Variants in CFLAR observed in about 807,000 individuals in gnomAD.
The protein encoded by CFLAR is CASP8 and FADD-like apoptosis regulator.
In CFLAR, 14 loss-of-function variants were observed where a neutral mutation model predicts 51.1. The ratio of observed to expected loss-of-function variants is 0.27; its 90% confidence interval spans 0.18 to 0.43. CFLAR has a LOEUF of 0.43. CFLAR is among the 20% of genes least tolerant of loss of function. The probability of loss-of-function intolerance (pLI) is 1.00; values close to 1 mark genes in which losing one functional copy is unlikely to be tolerated. For missense variants in CFLAR, 390 were observed against 566.5 expected, an observed-to-expected ratio of 0.69 and a Z score of 3.16; for synonymous variants, 210 against 211.6, an observed-to-expected ratio of 0.99 and a Z score of 0.06.
chr2:201,139,976 A>G (rs1938176215), intron 4 of CFLAR: 2 of 252,056 alleles, frequency 7.9e-6, no homozygotes, highest in South Asian at 7.2e-5. Flanking sequence ...CAGCGCAGTG[A>G]ACCCGTCCTC....
At chr2:201,161,416 A>G (rs74182334) in intron 9 of CFLAR, among the ~76,000 whole-genome samples, 1 of 65,914 alleles carries the variant, frequency 1.5e-5, no homozygotes, top group Non-Finnish European at 4.5e-5. Context: ...ATTTATTTTT[A>G]TTTATTTTTT....
Position 201,172,194 on chromosome 2 carries a change from C to CATAAAT in CFLAR, c.*8225_*8230dup, listed in dbSNP as rs1441865801. ...TACCTGATGAAGAGCCTGGCATACACATAAATATATATTGAATGAATCAGT... is the reference window on the plus strand; with the variant it reads ...TACCTGATGAAGAGCCTGGCATACACATAAATATAAATATATATTGAATGAATCAGT... On this transcript the variant is annotated 3_prime_UTR_variant, in exon 10 of 10. Coordinates refer to ENST00000309955, the MANE Select transcript of CFLAR (RefSeq NM_003879.7). 6.6e-6 allele frequency: 1 copy of CATAAAT among 152,088 alleles called. No homozygotes were observed. Among genetic ancestry groups the CATAAAT allele is most frequent in the Non-Finnish European group, 1.5e-5 (1 of 68,014 alleles). 9.4% of individuals were successfully genotyped at this position (152,088 alleles called of 1,614,324 possible). A position where few individuals can be genotyped will look rare whatever the true frequency, so the allele number is the denominator to read the frequency against.
chr2:201,149,326 C>A (rs766671018), intron 7 of CFLAR: 5 of 334,282 alleles, frequency 1.5e-5, no homozygotes, highest in Non-Finnish European at 2.2e-5. Flanking sequence ...AGCAGTGATA[C>A]TTCCCTGAAC....
At position 201,118,037 on chromosome 2, in the gene CFLAR, G is replaced by A. The variant is rs1293871770; in HGVS notation, c.-138+1556G>A. Among the ~76,000 whole-genome samples the A allele has an allele frequency of 6.6e-6, 1 of 152,190 alleles. No individual in the cohort carries two copies. Among genetic ancestry groups the A allele is most frequent in the Non-Finnish European group, 1.5e-5 (1 of 68,052 alleles). On this transcript the variant is annotated intron_variant, in intron 1 of 9. Transcript: ENST00000309955. The surrounding 1 kb of genome is among the most constrained non-coding windows in gnomAD (Gnocchi z 5.1). ...CCCAAAGTGCTGGGATTACAGGCGT[G>A]AGCCACCATGCCCGGCCCAACTCCA...
chr2:201,129,604 C>T (rs1367869675), intron 1 of CFLAR, 125 bp from the exon 2 acceptor site: 1 of 461,164 alleles, frequency 2.2e-6, no homozygotes, highest in Non-Finnish European at 3.8e-6. Context: ...TTCTATAGAT[C>T]CCTTTCTATA....
intron 7 of CFLAR, 32 bp from the exon 8 acceptor site, chr2:201,149,722 G>C: frequency 6.5e-7 from 1 of 1,530,954 alleles, no homozygotes; most frequent in Non-Finnish European, 9.0e-7. Context: ...GCAATATCCA[G>C]AGTCTTTAGC....
At chr2:201,141,158 G>A (rs1938726402) in intron 5 of CFLAR, among the ~76,000 whole-genome samples, 1 of 152,110 alleles carries the variant, frequency 6.6e-6, no homozygotes, top group Non-Finnish European at 1.5e-5. Flanking sequence ...TATGAACCCA[G>A]GAAGTGGAGG....
intron 5 of CFLAR, among the ~76,000 whole-genome samples, chr2:201,143,068 C>T (rs1206867059): frequency 6.6e-6 from 1 of 152,132 alleles, no homozygotes; most frequent in African/African-American, 2.4e-5. Flanking sequence ...GTTAAAAAAC[C>T]TGCCATATTT....
intron 8 of CFLAR, among the ~76,000 whole-genome samples, chr2:201,156,684 C>T (rs1174104093): frequency 6.6e-6 from 1 of 152,102 alleles, no homozygotes; most frequent in Non-Finnish European, 1.5e-5. Context: ...CAGCCCTGTA[C>T]TAACTGCAAG....
chr2:201,158,810 A>G (rs966058222), intron 8 of CFLAR, among the ~76,000 whole-genome samples: 1 of 151,736 alleles, frequency 6.6e-6, no homozygotes, highest in Non-Finnish European at 1.5e-5. Context: ...TACAGTCCTG[A>G]TAACAGCTAC....
chr2:201,176,283 G>GGA lies in CFLAR; in HGVS notation c.*12311_*12312insAG, dbSNP rs1553571662. ...GTCTCAGGTGTTTTCTATTGCGGGG[G>GGA]GGGGGGGCGGGCGGGGGAGCTGCCT... On this transcript the variant is annotated 3_prime_UTR_variant, in exon 10 of 10. Transcript: ENST00000309955. The GGA allele has an allele frequency of 2.4e-5, 3 of 127,564 alleles. No homozygotes were observed. Among genetic ancestry groups the GGA allele is most frequent in the Admixed American group, 7.5e-5 (1 of 13,388 alleles). The allele number at this position is 127,564 out of a possible 1,614,324, so 7.9% of individuals were successfully genotyped here.
Position 201,138,329 on chromosome 2 carries a change from A to G in CFLAR, c.524-2028A>G. The G allele has an allele frequency of 3.9e-6, 3 of 770,956 alleles. No individual in the cohort carries two copies. Among genetic ancestry groups the G allele is most frequent in the South Asian group, 2.7e-5 (2 of 73,614 alleles). The allele number at this position is 770,956 out of a possible 1,614,324, so 47.8% of individuals were successfully genotyped here. A position where few individuals can be genotyped will look rare whatever the true frequency, so the allele number is the denominator to read the frequency against. ...ATGGGTACCCACAGCTGCCCCGCCC[A>G]GCAGCTGCTCATGGGAATCCTTGGA... On this transcript the variant is annotated intron_variant, in intron 4 of 9. Transcript: ENST00000309955. This position sits in a 1 kb window ranked among gnomAD's most constrained non-coding sequence, Gnocchi z 4.0.
At chr2:201,132,122 C>T (rs1233623061) in intron 2 of CFLAR, among the ~76,000 whole-genome samples, 1 of 152,094 alleles carries the variant, frequency 6.6e-6, no homozygotes, top group Admixed American at 6.6e-5. Context: ...CTCTCCATTT[C>T]CCATTTCCTT....
intron 1 of CFLAR, chr2:201,122,695 G>A (rs1454256395): frequency 1.3e-5 from 2 of 152,236 alleles, no homozygotes; most frequent in Admixed American, 6.5e-5. Context: ...TTGATTTGGG[G>A]ATCAAGACAA....
intron 1 of CFLAR, among the ~76,000 whole-genome samples, chr2:201,117,639 GA>G (rs2047735732): frequency 6.6e-6 from 1 of 151,902 alleles, no homozygotes; most frequent in Non-Finnish European, 1.5e-5. Flanking sequence ...GCTTTAGAGA[GA>G]GATTTCCGAT....
At chr2:201,117,007 G>A (rs1047030122) in intron 1 of CFLAR, 1 of 152,106 alleles carries the variant, frequency 6.6e-6, no homozygotes, top group African/African-American at 2.4e-5. Flanking sequence ...TTCAATTCTT[G>A]GGGTGAACTG....
intron 8 of CFLAR, among the ~76,000 whole-genome samples, chr2:201,151,699 C>G (rs1941305023): frequency 1.3e-5 from 2 of 150,372 alleles, no homozygotes; most frequent in Non-Finnish European, 2.9e-5. Flanking sequence ...AGATGTTGTA[C>G]GTATATCTGT....
At chr2:201,159,648 G>C (rs1351190315) in intron 8 of CFLAR, among the ~76,000 whole-genome samples, 1 of 152,154 alleles carries the variant, frequency 6.6e-6, no homozygotes, top group Non-Finnish European at 1.5e-5. Flanking sequence ...GCCAAGCAAA[G>C]GAGAAAAGTA....
chr2:201,162,874 A>G, intron 9 of CFLAR: 2 of 594,628 alleles, frequency 3.4e-6, no homozygotes, highest in Middle Eastern at 3.8e-4. Flanking sequence ...AGCCCATAAT[A>G]TGGCCATAGC....
Sources: allele counts gnomAD v4.1 joint callset (sites outside exome capture counted in the v4.1 genomes callset), GRCh38; gene constraint gnomAD v4.1.1; non-coding constraint Gnocchi (gnomAD v3.1); transcripts MANE v1.5; gene names NCBI Gene and HGNC (gene_info 2026-07-23, HGNC 2026-07-21).